The following ABCG8 variants were observed in gnomAD, a reference collection of about 807,000 sequenced individuals.
ABCG8 encodes ATP binding cassette subfamily G member 8, also known as ATP-binding cassette sub-family G member 8.
A neutral mutation model predicts 71.3 loss-of-function variants in ABCG8; 81 were observed. That is an observed-to-expected ratio of 1.14 (90% confidence interval 0.95 to 1.37). The LOEUF (loss-of-function observed/expected upper bound fraction) is 1.37, where lower values mean the gene tolerates loss of function less well. Ranked by LOEUF, ABCG8 falls within the 40% of genes most tolerant of loss-of-function variation. The probability of loss-of-function intolerance (pLI) is 0.00; values close to 1 mark genes in which losing one functional copy is unlikely to be tolerated. For synonymous variants in ABCG8, 451 were observed against 354.7 expected (o/e 1.27, Z -3.05); for missense variants, 1,119 against 866.2 (o/e 1.29, Z -3.66).
chr2:43,841,400 A>G (rs1668541963), intron 1 of ABCG8, among the ~76,000 whole-genome samples: 1 of 152,234 alleles, frequency 6.6e-6, no homozygotes, highest in South Asian at 2.1e-4. Context: ...TGACAGTCGT[A>G]CTGATTAAGA....
intron 4 of ABCG8, among the ~76,000 whole-genome samples, 190 bp downstream of exon 4, chr2:43,852,012 C>G (rs554716811): frequency 6.5e-4 from 99 of 152,246 alleles, no homozygotes; most frequent in Non-Finnish European, 1.3e-3. Context: ...CCGCCAGAAG[C>G]TAGCTCAGCC....
At chr2:43,857,811 A>G (rs1669165650) in intron 6 of ABCG8, among the ~76,000 whole-genome samples, 1 of 151,544 alleles carries the variant, frequency 6.6e-6, no homozygotes, top group South Asian at 2.1e-4. Flanking sequence ...TAGAACTCTC[A>G]CTACCTGTCT....
At chr2:43,876,139 G>C (rs1669952228) in intron 11 of ABCG8, among the ~76,000 whole-genome samples, 1 of 152,106 alleles carries the variant, frequency 6.6e-6, no homozygotes, top group Non-Finnish European at 1.5e-5. Flanking sequence ...AGCCCACACA[G>C]TCCATGAAGC....
At chr2:43,851,918 C>T (rs1668931160) in intron 4 of ABCG8, 96 bp downstream of exon 4, 3 of 1,409,098 alleles carry the variant, frequency 2.1e-6, no homozygotes, top group Non-Finnish European at 3.0e-6. Flanking sequence ...GACCCAGCCG[C>T]AGGTCGAGTT....
At chr2:43,841,988 CAT>C (rs1668594201) in intron 1 of ABCG8, among the ~76,000 whole-genome samples, 1 of 151,446 alleles carries the variant, frequency 6.6e-6, no homozygotes, top group Non-Finnish European at 1.5e-5. Context: ...TGTTAGCCCA[CAT>C]GAGTCTCTTA....
At chr2:43,851,466 G>C (rs1195584128) in intron 3 of ABCG8, 118 bp from the exon 4 acceptor site, 2 of 1,142,652 alleles carry the variant, frequency 1.8e-6, no homozygotes, top group East Asian at 4.9e-5. Context: ...TCTAGGGGCT[G>C]GTCACATCTG....
chr2:43,856,686 A>G (rs1669119768), intron 6 of ABCG8, among the ~76,000 whole-genome samples: 1 of 151,350 alleles, frequency 6.6e-6, no homozygotes, highest in South Asian at 2.1e-4. Flanking sequence ...TATAATTCTC[A>G]CTTTCTGGAT....
chr2:43,849,816 A>G (rs1668858361), intron 3 of ABCG8, among the ~76,000 whole-genome samples: 1 of 152,110 alleles, frequency 6.6e-6, no homozygotes, highest in African/African-American at 2.4e-5. Context: ...GTACACCCAG[A>G]GGTGGTGCAC....
At position 43,877,696 on chromosome 2, in the gene ABCG8, G is replaced by A. The variant is rs753262274; in HGVS notation, c.1884+8G>A. The stretch of plus-strand genomic sequence containing the variant: ...GCGGTCTCAGGAGATAAAGTAAGCG[G>A]GGAAGGCCTCGGGTTCTAAATTATT... On this transcript the variant is annotated splice_region_variant and intron_variant, in intron 12 of 12. Coordinates refer to ENST00000272286, the MANE Select transcript of ABCG8 (RefSeq NM_022437.3). 136 of 1,614,010 alleles carry A rather than the reference G, an allele frequency of 8.4e-5. 1 individual carries two copies. The Admixed American group carries it at 2.0e-3, about 24-fold the overall frequency.
In ABCG8 at chr2:43,880,709, TGA is replaced by T. The variant is rs1670108772; in HGVS notation, c.*2798_*2799del. 1 of 152,260 alleles carries T rather than the reference TGA, an allele frequency of 6.6e-6. No individual in the cohort carries two copies. Among genetic ancestry groups the T allele is most frequent in the Non-Finnish European group, 1.5e-5 (1 of 68,082 alleles). The allele number at this position is 152,260 out of a possible 1,614,324, so 9.4% of individuals were successfully genotyped here. A position where few individuals can be genotyped will look rare whatever the true frequency, so the allele number is the denominator to read the frequency against. ...GCATACATATACACCTAAGTACACA[TGA>T]GTTTACTCTGATAACATCCATTTCC... On this transcript the variant is annotated 3_prime_UTR_variant, in exon 13 of 13. Transcript: ENST00000272286.
chr2:43,838,992 C>A lies in ABCG8; in HGVS notation c.-62C>A. On this transcript the variant is annotated 5_prime_UTR_variant, in exon 1 of 13. Transcript: ENST00000272286. The surrounding 1 kb of genome is among the most constrained non-coding windows in gnomAD (Gnocchi z 4.2). ...CAGGAAACAGAGTGAAGACACTGGC[C>A]CTGGCAGGCAGCAGCTGGGTCTAAG... 1 of 1,510,434 alleles carries A rather than the reference C, an allele frequency of 6.6e-7. No individual in the cohort carries two copies. The highest frequency in any genetic ancestry group is 1.2e-5 in the South Asian group (1 of 82,884). 93.6% of individuals were successfully genotyped at this position (1,510,434 alleles called of 1,614,324 possible).
intron 3 of ABCG8, 49 bp from the exon 4 acceptor site, chr2:43,851,535 G>A: frequency 6.3e-7 from 1 of 1,599,476 alleles, no homozygotes; most frequent in Non-Finnish European, 8.6e-7. Flanking sequence ...CTGACAGCCT[G>A]GCCCCCACAG....
At chr2:43,856,078 C>T (rs910409199) in intron 6 of ABCG8, among the ~76,000 whole-genome samples, 2 of 152,000 alleles carry the variant, frequency 1.3e-5, no homozygotes, top group African/African-American at 4.8e-5. Flanking sequence ...TTCTCACCCT[C>T]TGGATACAGT....
intron 1 of ABCG8, 137 bp from the exon 2 acceptor site, chr2:43,844,370 A>C (rs1489282269): frequency 2.8e-6 from 2 of 711,580 alleles, no homozygotes; most frequent in East Asian, 5.5e-5. Flanking sequence ...CCACCTGTGC[A>C]ATCCCATCTG....
At chr2:43,871,946 C>T (rs2104944960) in intron 6 of ABCG8, 30 bp from the exon 7 acceptor site, 6 of 1,613,732 alleles carry the variant, frequency 3.7e-6, no homozygotes, top group Non-Finnish European at 5.1e-6. Flanking sequence ...GGGAACAGGC[C>T]ACCTGTGACT....
In ABCG8 at chr2:43,875,322, C is replaced by T. The variant is rs781613870; in HGVS notation, c.1665C>T (p.Thr555=). The stretch of plus-strand genomic sequence containing the variant: ...TGGCCGCCGCGGCCCTGCTCCCCAC[C>T]TTCCACATGGCCTCCTTCTTCAGCA... ...MALAAAALLP[T]FHMASFFSNA... is the part of the protein sequence containing the mutation. The change falls in exon 11 of 13, where the codon ACC becomes ACT. Residue 555 remains threonine, a synonymous_variant. Coordinates refer to ENST00000272286, the MANE Select transcript of ABCG8 (RefSeq NM_022437.3). 5 of 1,614,082 alleles carry T rather than the reference C, an allele frequency of 3.1e-6. No homozygotes were observed. The highest frequency in any genetic ancestry group is 2.5e-6 in the Non-Finnish European group (3 of 1,180,058).
chr2:43,877,383 T>G (rs1669992677), intron 11 of ABCG8, among the ~76,000 whole-genome samples, 178 bp from the exon 12 acceptor site: 1 of 148,570 alleles, frequency 6.7e-6, no homozygotes, highest in Admixed American at 6.7e-5. Flanking sequence ...GGGGAGCCCA[T>G]GGGAATATGG....
intron 6 of ABCG8, among the ~76,000 whole-genome samples, chr2:43,871,070 C>T (rs964929914): frequency 1.3e-5 from 2 of 150,562 alleles, no homozygotes; most frequent in Non-Finnish European, 3.0e-5. Flanking sequence ...CTAGATAGAA[C>T]TCTCACTATC....
At chr2:43,874,342 C>G in intron 9 of ABCG8, 65 bp from the exon 10 acceptor site, 1 of 1,318,300 alleles carries the variant, frequency 7.6e-7, no homozygotes, top group Admixed American at 1.7e-5. Context: ...AGAGAGTCTC[C>G]AAAACAGAAG....
Sources: gnomAD v4.1 joint callset for allele counts (sites outside exome capture counted in the v4.1 genomes callset) on GRCh38, gnomAD v4.1.1 for gene constraint, Gnocchi (gnomAD v3.1) non-coding constraint, MANE v1.5 for transcripts, NCBI Gene and HGNC (gene_info 2026-07-23, HGNC 2026-07-21) for gene names.